Variants in ENTPD1 observed in about 807,000 individuals in gnomAD.
ENTPD1 encodes the protein ATP diphosphohydrolase.
Under a neutral mutation model 57.0 loss-of-function variants are expected in ENTPD1, and 33 were observed. That is an observed-to-expected ratio of 0.58 (90% CI 0.44 to 0.77). ENTPD1 has a LOEUF of 0.77. ENTPD1 is among the 30% of genes least tolerant of loss of function. The pLI is 0.00. For missense variants in ENTPD1, 501 were observed against 603.4 expected (o/e 0.83, Z 1.78); for synonymous variants, 202 against 218.8 (o/e 0.92, Z 0.68).
intron 2 of ENTPD1, among the ~76,000 whole-genome samples, chr10:95,830,668 T>C (rs899353062): frequency 1.3e-5 from 2 of 152,056 alleles, no homozygotes; most frequent in African/African-American, 4.8e-5. Flanking sequence ...CTGGGCATGT[T>C]GTCAGGTACC....
chr10:95,772,194 C>G (rs1035936514), intron 1 of ENTPD1, among the ~76,000 whole-genome samples: 1 of 152,116 alleles, frequency 6.6e-6, no homozygotes, highest in Admixed American at 6.5e-5. Context: ...GCTGACTTAT[C>G]AGGAGTTGGT....
Position 95,870,430 on chromosome 10 carries a change from GCAC to G in ENTPD1, c.*4053_*4055del, listed in dbSNP as rs2098479155. ...CCTAAGTAGCTAGGACTACAGGTGT[GCAC>G]CACCATGTCTAGCTATTTTTTTTTC... On this transcript the variant is annotated 3_prime_UTR_variant, in exon 10 of 10. Coordinates refer to ENST00000371205, the MANE Select transcript of ENTPD1 (RefSeq NM_001776.6). The G allele has an allele frequency of 1.5e-6, 1 of 680,182 alleles. No individual in the cohort carries two copies. Among genetic ancestry groups the G allele is most frequent in the African/African-American group, 2.0e-5 (1 of 51,050 alleles). The allele number at this position is 680,182 out of a possible 1,614,324, so 42.1% of individuals were successfully genotyped here.
chr10:95,781,553 CATAA>C (rs2098158300), intron 1 of ENTPD1, among the ~76,000 whole-genome samples: 3 of 151,938 alleles, frequency 2.0e-5, no homozygotes, highest in South Asian at 4.2e-4. Context: ...TCAAGTACCC[CATAA>C]ATATAGATAC....
At chr10:95,819,498 A>C (rs2098341324) in intron 1 of ENTPD1, among the ~76,000 whole-genome samples, 1 of 152,136 alleles carries the variant, frequency 6.6e-6, no homozygotes, top group Non-Finnish European at 1.5e-5. Context: ...CCTTAGTATG[A>C]TTATAACTGG....
the ENTPD1 span, among the ~76,000 whole-genome samples, chr10:95,699,373 G>T: frequency 6.6e-6 from 1 of 152,172 alleles, no homozygotes; most frequent in Non-Finnish European, 1.5e-5. Context: ...AATTTGGGAG[G>T]CTGAGGCAGG....
intron 1 of ENTPD1, among the ~76,000 whole-genome samples, chr10:95,784,333 C>G (rs573601182): frequency 6.6e-6 from 1 of 152,214 alleles, no homozygotes; most frequent in Non-Finnish European, 1.5e-5. Context: ...ATTATGGGGC[C>G]ACTAAAAATG....
At chr10:95,709,615 C>A (rs2097963951), upstream of ENTPD1, among the ~76,000 whole-genome samples, 1 of 152,034 alleles carries the variant, frequency 6.6e-6, no homozygotes, top group Admixed American at 6.6e-5. Context: ...AACTCATGAC[C>A]TCAGGCAATC....
Position 95,868,217 on chromosome 10 carries a change from TACCTA to T in ENTPD1, c.*1839_*1843del. 1 of 985,498 alleles carries T rather than the reference TACCTA, an allele frequency of 1.0e-6. No individual in the cohort carries two copies. The highest frequency in any genetic ancestry group is 1.2e-6 in the Non-Finnish European group (1 of 829,940). 61.0% of individuals were successfully genotyped at this position (985,498 alleles called of 1,614,324 possible). A position where few individuals can be genotyped will look rare whatever the true frequency, so the allele number is the denominator to read the frequency against. Reference sequence around the variant, plus strand: ...AATGGCTGAGCCAAAGCCTACCATGTACCTAACCTTTATTTTCTTTCCCGAACATA... The same window carrying T: ...AATGGCTGAGCCAAAGCCTACCATGTACCTTTATTTTCTTTCCCGAACATA... On this transcript the variant is annotated 3_prime_UTR_variant, in exon 10 of 10. Coordinates refer to ENST00000371205, the MANE Select transcript of ENTPD1 (RefSeq NM_001776.6).
At chr10:95,742,777 A>C (rs2098001832) in intron 1 of ENTPD1, among the ~76,000 whole-genome samples, 1 of 152,214 alleles carries the variant, frequency 6.6e-6, no homozygotes, top group African/African-American at 2.4e-5. Context: ...ACTTTAATAA[A>C]GATGGGCTTC....
chr10:95,853,638 T>A (rs1336033031), intron 7 of ENTPD1, among the ~76,000 whole-genome samples: 1 of 152,238 alleles, frequency 6.6e-6, no homozygotes, highest in African/African-American at 2.4e-5. Context: ...GTTTTTAGCA[T>A]GAAGAGTTGT....
the ENTPD1 span, among the ~76,000 whole-genome samples, chr10:95,703,742 A>G: frequency 7.3e-6 from 1 of 137,138 alleles, no homozygotes; most frequent in Admixed American, 8.2e-5. Context: ...AGATCGTGCC[A>G]CTGCACTCCA....
rs559114597 is a variant in ENTPD1, at chr10:95,817,145, G to C, written c.17-6092G>C. The stretch of plus-strand genomic sequence containing the variant: ...TAACTGCTGATGGATCCTGATGATT[G>C]TTGGCTCGGTGACCCTTCCTGATGA... On this transcript the variant is annotated intron_variant, in intron 1 of 9. Transcript: ENST00000371205. Among the ~76,000 whole-genome samples, 3 of 152,172 alleles carry C rather than the reference G, an allele frequency of 2.0e-5. No individual in the cohort carries two copies. In the South Asian group the frequency reaches 6.2e-4, roughly 32 times the overall value.
chr10:95,874,227 T>G lies in ENTPD1; in HGVS notation c.*7844T>G, dbSNP rs2141036140. On this transcript the variant is annotated 3_prime_UTR_variant, in exon 10 of 10. Transcript: ENST00000371205. ...TTACAAGCCTGTAAAAGCAAGCTAG[T>G]TACCTCCTAGATACAATGGGGGGTA... 6.6e-6 allele frequency among the ~76,000 whole-genome samples: 1 copy of G among 152,302 alleles called. No individual in the cohort carries two copies. Among genetic ancestry groups the G allele is most frequent in the Middle Eastern group, 3.4e-3 (1 of 294 alleles).
At chr10:95,808,667 C>T (rs1042904354) in intron 1 of ENTPD1, among the ~76,000 whole-genome samples, 1 of 151,074 alleles carries the variant, frequency 6.6e-6, no homozygotes, top group African/African-American at 2.4e-5. Flanking sequence ...CATGCCAAGG[C>T]ACCTTCTTTC....
chr10:95,872,570 C>T lies in ENTPD1; in HGVS notation c.*6187C>T, dbSNP rs2098481696. The T allele has an allele frequency of 1.0e-6, 1 of 985,274 alleles. No individual in the cohort carries two copies. The highest frequency in any genetic ancestry group is 1.2e-6 in the Non-Finnish European group (1 of 829,890). 61.0% of individuals were successfully genotyped at this position (985,274 alleles called of 1,614,324 possible). A position where few individuals can be genotyped will look rare whatever the true frequency, so the allele number is the denominator to read the frequency against. ...GTGCTACCACAACCCTTTAACTGAG[C>T]CTCCATTAGTGCACTGAGACCATTC... On this transcript the variant is annotated 3_prime_UTR_variant, in exon 10 of 10. Transcript: ENST00000371205.
intron 1 of ENTPD1, among the ~76,000 whole-genome samples, chr10:95,814,698 C>T (rs1000060246): frequency 1.2e-4 from 18 of 151,984 alleles, no homozygotes; most frequent in African/African-American, 3.6e-4. Context: ...AGCTGTGAAC[C>T]GAGAATAATT....
intron 1 of ENTPD1, among the ~76,000 whole-genome samples, chr10:95,771,242 G>T (rs1589754508): frequency 6.6e-6 from 1 of 151,824 alleles, no homozygotes; most frequent in Non-Finnish European, 1.5e-5. Context: ...TTTCCTTTTG[G>T]GAAACATTTG....
chr10:95,804,683 C>CTGAT (rs2140366463), intron 1 of ENTPD1, among the ~76,000 whole-genome samples: 1 of 152,256 alleles, frequency 6.6e-6, no homozygotes, highest in African/African-American at 2.4e-5. Flanking sequence ...TTTCTCTGGC[C>CTGAT]TGATTGCCCT....
intron 1 of ENTPD1, among the ~76,000 whole-genome samples, chr10:95,816,364 T>C (rs2098330071): frequency 6.6e-6 from 1 of 152,226 alleles, no homozygotes; most frequent in Admixed American, 6.5e-5. Context: ...TTAATCTCTC[T>C]GTGACTCAGT....
Sources: gnomAD v4.1 joint callset for allele counts (sites outside exome capture counted in the v4.1 genomes callset) on GRCh38, gnomAD v4.1.1 for gene constraint, MANE v1.5 for transcripts, NCBI Gene and HGNC (gene_info 2026-07-23, HGNC 2026-07-21) for gene names.